The following GPAT3 variants were observed in gnomAD, a reference collection of about 807,000 sequenced individuals.
The protein encoded by GPAT3 is 1-AGP acyltransferase 9.
Under a neutral mutation model 58.8 loss-of-function variants are expected in GPAT3, and 53 were observed. The ratio of observed to expected loss-of-function variants is 0.90; its 90% confidence interval spans 0.72 to 1.13. The LOEUF is 1.13. GPAT3 is among the 50% of genes most tolerant of loss of function. GPAT3 has a pLI of 0.00. For missense variants in GPAT3, 511 were observed against 527.6 expected (o/e 0.97, Z 0.31); for synonymous variants, 197 against 187.4 (o/e 1.05, Z -0.42).
At chr4:83,583,667 G>GAAAAAAA (rs749976752) in intron 3 of GPAT3, among the ~76,000 whole-genome samples, 5 of 23,474 alleles carry the variant, frequency 2.1e-4, no homozygotes, top group African/African-American at 3.8e-4. Flanking sequence ...ACTCTTGTCT[G>GAAAAAAA]AAAAAAAAAA....
intron 2 of GPAT3, among the ~76,000 whole-genome samples, chr4:83,552,638 C>T (rs1724796906): frequency 1.3e-5 from 2 of 152,276 alleles, no homozygotes; most frequent in Admixed American, 6.5e-5. Context: ...AGAAATCTTC[C>T]TTCAAACTTT....
chr4:83,568,358 G>A (rs535857784), intron 2 of GPAT3, among the ~76,000 whole-genome samples: 92 of 152,148 alleles, frequency 6.0e-4, no homozygotes, highest in African/African-American at 2.2e-3. Flanking sequence ...GTATATTAAA[G>A]GTCATCATAG....
chr4:83,598,242 T>C (rs1262199602), intron 10 of GPAT3, 63 bp downstream of exon 10: 3 of 1,572,378 alleles, frequency 1.9e-6, no homozygotes, highest in Non-Finnish European at 2.6e-6. Flanking sequence ...CCTGAAAATC[T>C]GGGTGTCTCC....
At chr4:83,598,839 G>T in intron 11 of GPAT3, 116 bp downstream of exon 11, 1 of 690,886 alleles carries the variant, frequency 1.4e-6, no homozygotes. Flanking sequence ...CATGATCATA[G>T]TTCACTGTAG....
At chr4:83,565,811 C>T (rs373599627) in intron 2 of GPAT3, among the ~76,000 whole-genome samples, 7 of 152,314 alleles carry the variant, frequency 4.6e-5, no homozygotes, top group East Asian at 1.9e-4. Flanking sequence ...CCCGAGCTCT[C>T]GGCCTCCACC....
chr4:83,589,274 T>C (rs766041009), intron 5 of GPAT3, among the ~76,000 whole-genome samples: 11 of 152,372 alleles, frequency 7.2e-5, no homozygotes, highest in Admixed American at 2.6e-4. Flanking sequence ...TTCTTTCTTC[T>C]CTGTATAGGC....
chr4:83,540,598 G>C (rs1340033111), intron 1 of GPAT3, among the ~76,000 whole-genome samples: 3 of 152,208 alleles, frequency 2.0e-5, no homozygotes, highest in Non-Finnish European at 2.9e-5. Flanking sequence ...AGGCTACTTT[G>C]TGGCCTACTG....
At chr4:83,560,349 G>A (rs1039069183) in intron 2 of GPAT3, among the ~76,000 whole-genome samples, 2 of 152,334 alleles carry the variant, frequency 1.3e-5, no homozygotes, top group South Asian at 2.1e-4. Context: ...GGTGGACCTT[G>A]CCTCTGAGCT....
At chr4:83,592,412 C>G (rs1330396481) in intron 6 of GPAT3, among the ~76,000 whole-genome samples, 1 of 152,184 alleles carries the variant, frequency 6.6e-6, no homozygotes, top group African/African-American at 2.4e-5. Context: ...TTTGACTAAA[C>G]ATAAACTCTG....
At chr4:83,546,281 G>C (rs879923688) in intron 2 of GPAT3, among the ~76,000 whole-genome samples, 1 of 152,040 alleles carries the variant, frequency 6.6e-6, no homozygotes, top group Non-Finnish European at 1.5e-5. Flanking sequence ...CATTGCACCC[G>C]GCCCAGCCAT....
At chr4:83,545,863 T>C (rs543437500) in intron 2 of GPAT3, among the ~76,000 whole-genome samples, 17 of 152,314 alleles carry the variant, frequency 1.1e-4, no homozygotes, top group Non-Finnish European at 2.9e-5. Context: ...TTGGTGAGAC[T>C]CTGAGCTGTT....
intron 1 of GPAT3, among the ~76,000 whole-genome samples, chr4:83,543,640 T>TTTTTTTTG (rs543976823): frequency 6.6e-6 from 1 of 151,802 alleles, no homozygotes; most frequent in Non-Finnish European, 1.5e-5. Context: ...TTTTCATTCT[T>TTTTTTTTG]TTTTTTTGTT....
rs749976752 is a variant in GPAT3 at position 83,583,667 on chromosome 4, G to GAAAA, written c.479+1862_479+1865dup. ...GGGTGACAGAGCGAGACTCTTGTCT[G>GAAAA]AAAAAAAAAAAAAAAAAAAAAAAAA... On this transcript the variant is annotated intron_variant, in intron 3 of 11. Transcript: ENST00000264409. 1.6e-3 allele frequency among the ~76,000 whole-genome samples: 37 copies of GAAAA among 23,468 alleles called. 8 individuals carry two copies. The highest frequency in any genetic ancestry group is 5.2e-3 in the African/African-American group (27 of 5,228). The allele number at this position is 23,468 out of a possible 152,430, so 15.4% of individuals were successfully genotyped here. A position where few individuals can be genotyped will look rare whatever the true frequency, so the allele number is the denominator to read the frequency against.
chr4:83,560,660 C>A (rs915164449), intron 2 of GPAT3, among the ~76,000 whole-genome samples: 1 of 152,112 alleles, frequency 6.6e-6, no homozygotes, highest in Non-Finnish European at 1.5e-5. Flanking sequence ...CTGCTCAAAT[C>A]GCATGTTGAA....
intron 7 of GPAT3, among the ~76,000 whole-genome samples, 164 bp from the exon 8 acceptor site, chr4:83,596,693 AC>A (rs1333513556): frequency 6.6e-6 from 1 of 152,118 alleles, no homozygotes; most frequent in Non-Finnish European, 1.5e-5. Context: ...ATCTTCTTAA[AC>A]TTTTTTGGAA....
chr4:83,536,800 C>A (rs367615568), intron 1 of GPAT3, 37 bp downstream of exon 1: 100 of 1,568,854 alleles, frequency 6.4e-5, no homozygotes, highest in Non-Finnish European at 8.4e-5. Flanking sequence ...CCCCACACCG[C>A]TGCGGGCTGA....
chr4:83,545,572 A>G (rs771029279), intron 2 of GPAT3, among the ~76,000 whole-genome samples: 1 of 152,232 alleles, frequency 6.6e-6, no homozygotes, highest in Admixed American at 6.5e-5. Flanking sequence ...ATATTTGAAA[A>G]CATTGGAGTA....
In GPAT3 at chr4:83,598,712, TG is replaced by T. The variant is rs1413845032; in HGVS notation, c.1195del (p.Glu399AsnfsTer8). Reference sequence around the variant, plus strand: ...CTATTGCTATACAAGGAGGCCTGACTGAACTTCCCTGGTAAGAGAACTTTCA... The same window carrying T: ...CTATTGCTATACAAGGAGGCCTGACTAACTTCCCTGGTAAGAGAACTTTCA... ...SAIAIQGGLT[E>X]LPWDGGLKRA... On this transcript the variant is annotated frameshift_variant, in exon 11 of 12. Coordinates refer to ENST00000264409, the MANE Select transcript of GPAT3 (RefSeq NM_032717.5). LOFTEE classifies it high-confidence loss of function. 6.6e-7 allele frequency: 1 copy of T among 1,519,080 alleles called. No individual in the cohort carries two copies. Among genetic ancestry groups the T allele is most frequent in the Non-Finnish European group, 8.9e-7 (1 of 1,124,448 alleles). 94.1% of individuals were successfully genotyped at this position (1,519,080 alleles called of 1,614,324 possible). A position where few individuals can be genotyped will look rare whatever the true frequency, so the allele number is the denominator to read the frequency against.
chr4:83,557,013 C>T (rs1002745650), intron 2 of GPAT3, among the ~76,000 whole-genome samples: 1 of 152,090 alleles, frequency 6.6e-6, no homozygotes, highest in African/African-American at 2.4e-5. Flanking sequence ...CTTTTTAGGA[C>T]CTTTCTTATA....
Sources: gnomAD v4.1 joint callset for allele counts (sites outside exome capture counted in the v4.1 genomes callset) on GRCh38, gnomAD v4.1.1 for gene constraint, MANE v1.5 for transcripts, NCBI Gene and HGNC (gene_info 2026-07-23, HGNC 2026-07-21) for gene names.